EPG5: variants seen among roughly 807,000 people sequenced by gnomAD.
The protein encoded by EPG5 is ectopic P-granules 5 autophagy tethering factor, also known as ectopic P granules protein 5 homolog.
EPG5 carries 159 observed loss-of-function variants against 302.7 expected under a neutral mutation model. That is an observed-to-expected ratio of 0.53 (90% CI 0.46 to 0.60). The LOEUF (loss-of-function observed/expected upper bound fraction) is 0.60, where lower values mean the gene tolerates loss of function less well. Ranked by LOEUF, EPG5 falls within the 20% of genes least tolerant of loss-of-function variation. The pLI, the probability that EPG5 is intolerant of heterozygous loss-of-function variation, is 0.00. For missense variants in EPG5, 2,896 were observed against 3,092.4 expected (o/e 0.94, Z 1.51); for synonymous variants, 1,158 against 1,136.8 (o/e 1.02, Z -0.37).
intron 29 of EPG5, among the ~76,000 whole-genome samples, chr18:45,885,867 A>G (rs558103908): frequency 6.6e-6 from 1 of 152,336 alleles, no homozygotes; most frequent in Non-Finnish European, 1.5e-5. Context: ...TCTCCAACAG[A>G]AAGTGTACAA....
At chr18:45,934,054 C>T (rs933068134) in intron 11 of EPG5, among the ~76,000 whole-genome samples, 2 of 151,972 alleles carry the variant, frequency 1.3e-5, no homozygotes, top group African/African-American at 4.8e-5. Flanking sequence ...CTTGGGAGGC[C>T]GAAGCAGGCA....
intron 23 of EPG5, 55 bp downstream of exon 23, chr18:45,910,466 A>C: frequency 7.4e-7 from 1 of 1,344,396 alleles, no homozygotes; most frequent in Non-Finnish European, 1.0e-6. Flanking sequence ...TAACTGCTCC[A>C]GCATAGTACC....
chr18:45,905,077 A>G (rs1022049443), intron 24 of EPG5, among the ~76,000 whole-genome samples: 1 of 151,706 alleles, frequency 6.6e-6, no homozygotes, highest in Non-Finnish European at 1.5e-5. Context: ...TAAAATGAGA[A>G]AACAATAAAT....
At chr18:45,907,806 A>T in intron 24 of EPG5, 152 bp downstream of exon 24, 1 of 695,570 alleles carries the variant, frequency 1.4e-6, no homozygotes. Context: ...CCATATAATC[A>T]CTTAGATACT....
the EPG5 span, among the ~76,000 whole-genome samples, chr18:45,839,527 C>T: frequency 6.6e-6 from 1 of 152,120 alleles, no homozygotes; most frequent in Non-Finnish European, 1.5e-5. Flanking sequence ...CCCTGCAGTG[C>T]GTGCTGAGCG....
At position 45,925,891 on chromosome 18, in the gene EPG5, G is replaced by A; in HGVS notation, c.2565C>T (p.Tyr855=). ...GATACAAAGGCAGTTCTTTAAACAA[G>A]TATAGAGAAACCTTATTAAAAAGAA... ...TIDQVGMVSL[Y]LFKELPLYLW... The change falls in exon 14 of 44, where the codon TAC becomes TAT. Residue 855 remains tyrosine, a synonymous_variant. Coordinates refer to ENST00000282041, the MANE Select transcript of EPG5 (RefSeq NM_020964.3). 2 of 1,451,072 alleles carry A rather than the reference G, an allele frequency of 1.4e-6. No individual in the cohort carries two copies. The highest frequency in any genetic ancestry group is 9.1e-7 in the Non-Finnish European group (1 of 1,097,612). The allele number at this position is 1,451,072 out of a possible 1,614,324, so 89.9% of individuals were successfully genotyped here.
chr18:45,937,380 A>G (rs1163787030), intron 10 of EPG5, among the ~76,000 whole-genome samples: 1 of 151,162 alleles, frequency 6.6e-6, no homozygotes, highest in Non-Finnish European at 1.5e-5. Flanking sequence ...ACATATATAT[A>G]CACACACACA....
intron 27 of EPG5, among the ~76,000 whole-genome samples, chr18:45,893,648 G>A (rs189559621): frequency 6.6e-6 from 1 of 152,024 alleles, no homozygotes; most frequent in East Asian, 1.9e-4. Context: ...AAAAAGTACT[G>A]TGAACATGGC....
intron 1 of EPG5, among the ~76,000 whole-genome samples, chr18:45,965,354 T>G (rs1219661074): frequency 3.9e-5 from 6 of 152,238 alleles, no homozygotes; most frequent in Middle Eastern, 3.4e-3. Flanking sequence ...AGCACTATAC[T>G]CATTACCTGG....
the EPG5 span, chr18:45,836,949 C>A: frequency 1.3e-6 from 1 of 795,846 alleles, no homozygotes; most frequent in Non-Finnish European, 2.3e-6. Context: ...CTCATGCTGG[C>A]AGTGTGACTT....
chr18:45,923,310 T>C lies in EPG5; in HGVS notation c.2796A>G (p.Ala932=). 6.2e-7 allele frequency: 1 copy of C among 1,614,066 alleles called. No individual in the cohort carries two copies. Among genetic ancestry groups the C allele is most frequent in the Non-Finnish European group, 8.5e-7 (1 of 1,179,998 alleles). Residue 932 remains alanine, a synonymous_variant, in exon 15 of 44, where the codon GCA becomes GCG. Transcript: ENST00000282041. ...AGAGAATCCCAGCATATGGCTTCTG[T>C]GCAAGGTACTTCTGATAAGCTTCAA... The part of the protein sequence containing the change: ...MVLEAYQKYL[A]QKPYAGILSE...
At chr18:45,801,534 A>G in the EPG5 span, among the ~76,000 whole-genome samples, 1 of 152,172 alleles carries the variant, frequency 6.6e-6, no homozygotes, top group East Asian at 1.9e-4. Context: ...CTTGGAGGAG[A>G]AGGTAGTGCC....
At chr18:45,898,567 G>T (rs1016355600) in intron 27 of EPG5, among the ~76,000 whole-genome samples, 1 of 152,136 alleles carries the variant, frequency 6.6e-6, no homozygotes, top group Non-Finnish European at 1.5e-5. Flanking sequence ...TCACATTGTT[G>T]CATGTCTCTC....
At chr18:45,824,861 G>A in the EPG5 span, among the ~76,000 whole-genome samples, 2 of 152,120 alleles carry the variant, frequency 1.3e-5, no homozygotes, top group African/African-American at 4.8e-5. Flanking sequence ...AGGTGGAGAA[G>A]TCTGCAAGCT....
intron 30 of EPG5, among the ~76,000 whole-genome samples, chr18:45,883,679 A>C (rs1277184815): frequency 3.8e-4 from 48 of 126,338 alleles, no homozygotes; most frequent in African/African-American, 1.4e-3. Context: ...GACTGGTCTC[A>C]AATTCCTACG....
rs1555658680 is a variant in EPG5, at chr18:45,852,303, A to ACCCC, written c.*160_*163dup. 1 of 604,166 alleles carries ACCCC rather than the reference A, an allele frequency of 1.7e-6. No homozygotes were observed. The highest frequency in any genetic ancestry group is 1.9e-5 in the African/African-American group (1 of 53,236). The allele number at this position is 604,166 out of a possible 1,614,324, so 37.4% of individuals were successfully genotyped here. On this transcript the variant is annotated 3_prime_UTR_variant, in exon 44 of 44. Coordinates refer to ENST00000282041, the MANE Select transcript of EPG5 (RefSeq NM_020964.3). ...AAAACACACACACACACACACACAC[A>ACCCC]CCCCAAAATTATCTAATATCTAACG...
At chr18:45,817,366 T>C in the EPG5 span, among the ~76,000 whole-genome samples, 1 of 152,272 alleles carries the variant, frequency 6.6e-6, no homozygotes, top group African/African-American at 2.4e-5. Flanking sequence ...CTTTCTTTTC[T>C]CTACCACCAC....
chr18:45,846,523 A>AC (rs2048365865), downstream of EPG5, among the ~76,000 whole-genome samples: 1 of 31,604 alleles, frequency 3.2e-5, no homozygotes, highest in African/African-American at 6.1e-5. Context: ...CTCCCTCTCA[A>AC]AAAAAAAAAA....
chr18:45,805,655 T>C, the EPG5 span, among the ~76,000 whole-genome samples: 2 of 152,034 alleles, frequency 1.3e-5, no homozygotes, highest in Non-Finnish European at 2.9e-5. Flanking sequence ...TTGAATATAA[T>C]TATACAGATA....
Sources: gnomAD v4.1 joint callset for allele counts (sites outside exome capture counted in the v4.1 genomes callset) on GRCh38, gnomAD v4.1.1 for gene constraint, MANE v1.5 for transcripts, NCBI Gene and HGNC (gene_info 2026-07-23, HGNC 2026-07-21) for gene names.